Variants in NRG1 observed in about 807,000 individuals in gnomAD.
The protein encoded by NRG1 is pro-neuregulin-1, membrane-bound isoform.
Under a neutral mutation model 63.8 loss-of-function variants are expected in NRG1, and 18 were observed. That is an observed-to-expected ratio of 0.28 (90% CI 0.19 to 0.42). NRG1 has a LOEUF of 0.42. Among genes scored for constraint, NRG1 ranks in the 10% least tolerant of loss-of-function variants. The pLI is 1.00. For missense variants in NRG1, 762 were observed against 814.7 expected (o/e 0.94, Z 0.79); for synonymous variants, 302 against 301.3 (o/e 1.00, Z -0.02).
intron 1 of NRG1, among the ~76,000 whole-genome samples, chr8:31,661,176 T>G (rs73237522): frequency 0.041 from 6,258 of 152,274 alleles, 175 homozygotes; most frequent in Non-Finnish European, 0.06. Flanking sequence ...AATAAACTCA[T>G]AGAGCTGTTG....
chr8:32,251,213 C>G lies in NRG1; in HGVS notation c.38-344615C>G, dbSNP rs188244130. 2.6e-3 allele frequency among the ~76,000 whole-genome samples: 390 copies of G among 152,148 alleles called. 2 individuals are homozygous for G. The highest frequency in any genetic ancestry group is 9.0e-3 in the African/African-American group (372 of 41,528). On this transcript the variant is annotated intron_variant, in intron 1 of 10. Coordinates refer to the NRG1 transcript ENST00000519301. ...CTAATGCTATCCCTCCCCGCTCCCC[C>G]CACCCCACAACAGGCCCTGGTGTGT...
chr8:32,018,689 T>G (rs886073771), intron 1 of NRG1, among the ~76,000 whole-genome samples: 4 of 152,230 alleles, frequency 2.6e-5, no homozygotes, highest in African/African-American at 9.6e-5. Flanking sequence ...ATGGGATGAT[T>G]CCAGCCAAGG....
chr8:31,815,141 T>G (rs1052235356), intron 1 of NRG1, among the ~76,000 whole-genome samples: 1 of 152,170 alleles, frequency 6.6e-6, no homozygotes, highest in Non-Finnish European at 1.5e-5. Flanking sequence ...TGGTATTAAA[T>G]GCATCTATAA....
At chr8:32,411,599 G>T (rs1029451345) in intron 1 of NRG1, among the ~76,000 whole-genome samples, 62 of 152,138 alleles carry the variant, frequency 4.1e-4, no homozygotes, top group Non-Finnish European at 1.2e-4. Context: ...CTTCATTAGG[G>T]CATTATGGAC....
chr8:32,171,733 G>A (rs55938729), intron 1 of NRG1, among the ~76,000 whole-genome samples: 70,029 of 151,918 alleles, frequency 0.46, 18,167 homozygotes, highest in Admixed American at 0.59. Context: ...GTATGCCCAC[G>A]GAGCCTCCCT....
intron 1 of NRG1, among the ~76,000 whole-genome samples, chr8:32,465,941 A>G (rs1823005659): frequency 6.6e-6 from 1 of 152,218 alleles, no homozygotes; most frequent in Non-Finnish European, 1.5e-5. Flanking sequence ...ATAAACAAAT[A>G]CAAGAAGGAT....
intron 1 of NRG1, among the ~76,000 whole-genome samples, chr8:32,167,949 C>T (rs1839575301): frequency 6.6e-6 from 1 of 152,136 alleles, no homozygotes; most frequent in South Asian, 2.1e-4. Flanking sequence ...CTTGCCCCTC[C>T]CTCTGGAGAT....
At chr8:31,795,334 T>C (rs1487540168) in intron 1 of NRG1, among the ~76,000 whole-genome samples, 1 of 152,304 alleles carries the variant, frequency 6.6e-6, no homozygotes, top group Non-Finnish European at 1.5e-5. Context: ...ATTTGTTTTG[T>C]GTGTGTCAGA....
chr8:31,860,470 C>A (rs1235022826), intron 1 of NRG1, among the ~76,000 whole-genome samples: 5 of 152,176 alleles, frequency 3.3e-5, no homozygotes, highest in African/African-American at 1.2e-4. Flanking sequence ...TGATGTGAAT[C>A]AGGTTTCAAA....
At chr8:32,047,129 A>G (rs1350586656) in intron 1 of NRG1, among the ~76,000 whole-genome samples, 2 of 152,010 alleles carry the variant, frequency 1.3e-5, no homozygotes, top group African/African-American at 4.8e-5. Flanking sequence ...GATCCGAGTT[A>G]TAATATACAA....
At chr8:31,709,877 TA>T (rs1227452027) in intron 1 of NRG1, among the ~76,000 whole-genome samples, 4 of 151,866 alleles carry the variant, frequency 2.6e-5, no homozygotes, top group African/African-American at 4.8e-5. Flanking sequence ...ATATTTTTCT[TA>T]AAAAATAATT....
At chr8:32,080,944 A>T (rs185081680) in intron 1 of NRG1, among the ~76,000 whole-genome samples, 2 of 152,098 alleles carry the variant, frequency 1.3e-5, no homozygotes. Flanking sequence ...GTTTAAGTTC[A>T]TAAGATTTCT....
intron 1 of NRG1, among the ~76,000 whole-genome samples, chr8:32,526,413 A>G (rs1464899726): frequency 6.6e-6 from 1 of 152,214 alleles, no homozygotes; most frequent in Non-Finnish European, 1.5e-5. Flanking sequence ...ATTTTGTGTG[A>G]CATAATCACA....
chr8:32,068,193 A>T (rs916744248), intron 1 of NRG1, among the ~76,000 whole-genome samples: 5 of 152,228 alleles, frequency 3.3e-5, no homozygotes, highest in Non-Finnish European at 7.3e-5. Context: ...TAACCTCTAC[A>T]GTTTTATCTT....
chr8:31,807,954 T>C (rs896849452), intron 1 of NRG1, among the ~76,000 whole-genome samples: 25 of 137,704 alleles, frequency 1.8e-4, no homozygotes, highest in East Asian at 1.6e-3. Context: ...TTCGCGTGTG[T>C]GTGTGTGTGT....
intron 1 of NRG1, among the ~76,000 whole-genome samples, chr8:31,864,317 A>G (rs1274673190): frequency 1.3e-5 from 2 of 152,186 alleles, no homozygotes; most frequent in African/African-American, 4.8e-5. Context: ...TTAGTGCAGT[A>G]GAGACACAGT....
At chr8:32,676,999 A>G (rs1807302597) in intron 5 of NRG1, among the ~76,000 whole-genome samples, 1 of 152,206 alleles carries the variant, frequency 6.6e-6, no homozygotes, top group East Asian at 1.9e-4. Context: ...TATAAAAAGT[A>G]AAGATTTTGT....
At chr8:32,107,282 G>A (rs905896410) in intron 1 of NRG1, among the ~76,000 whole-genome samples, 3 of 152,120 alleles carry the variant, frequency 2.0e-5, no homozygotes, top group African/African-American at 4.8e-5. Context: ...AGTCTCAAAT[G>A]TAGGCATATA....
chr8:32,510,097 A>AAT (rs1828980168), intron 1 of NRG1, among the ~76,000 whole-genome samples: 10 of 139,104 alleles, frequency 7.2e-5, no homozygotes, highest in Non-Finnish European at 9.3e-5. Context: ...TCCTAGACAA[A>AAT]AATAATAATA....
Sources: gnomAD v4.1 joint callset for allele counts (sites outside exome capture counted in the v4.1 genomes callset) on GRCh38, gnomAD v4.1.1 for gene constraint, MANE v1.5 for transcripts, NCBI Gene and HGNC (gene_info 2026-07-23, HGNC 2026-07-21) for gene names.